Variants in MARCHF1 observed in about 807,000 individuals in gnomAD.
The protein encoded by MARCHF1 is E3 ubiquitin-protein ligase MARCHF1.
A neutral mutation model predicts 54.2 loss-of-function variants in MARCHF1; 40 were observed. The observed-to-expected ratio is 0.74, with a 90% CI of 0.57 to 0.96. The LOEUF (loss-of-function observed/expected upper bound fraction) is 0.96, where lower values mean the gene tolerates loss of function less well. Among genes scored for constraint, MARCHF1 ranks in the 40% least tolerant of loss-of-function variants. The pLI is 0.00. For missense variants in MARCHF1, 586 were observed against 656.5 expected (o/e 0.89, Z 1.17); for synonymous variants, 236 against 236.3 (o/e 1.00, Z 0.01).
chr4:163,597,605 T>C (rs1435420206), intron 7 of MARCHF1, among the ~76,000 whole-genome samples: 2 of 152,218 alleles, frequency 1.3e-5, no homozygotes, highest in Admixed American at 1.3e-4. Context: ...ATTTTATTTC[T>C]AGTAACTACA....
intron 1 of MARCHF1, among the ~76,000 whole-genome samples, chr4:164,356,899 T>C (rs1036635614): frequency 6.6e-6 from 1 of 151,226 alleles, no homozygotes; most frequent in Admixed American, 6.6e-5. Flanking sequence ...GGGAGCTAAA[T>C]GTTGAGAACA....
At chr4:164,084,002 C>T (rs1222452036) in intron 2 of MARCHF1, among the ~76,000 whole-genome samples, 2 of 151,904 alleles carry the variant, frequency 1.3e-5, no homozygotes, top group African/African-American at 4.8e-5. Flanking sequence ...TATAAAAACT[C>T]TCTAACTTAG....
At chr4:163,666,483 A>G (rs1743537298) in intron 5 of MARCHF1, among the ~76,000 whole-genome samples, 1 of 152,132 alleles carries the variant, frequency 6.6e-6, no homozygotes, top group Non-Finnish European at 1.5e-5. Context: ...TCATGCACTT[A>G]TTATCCAGAA....
At chr4:163,620,651 G>GCGCA (rs1560978913) in intron 5 of MARCHF1, among the ~76,000 whole-genome samples, 1 of 88,320 alleles carries the variant, frequency 1.1e-5, no homozygotes, top group African/African-American at 4.0e-5. Flanking sequence ...AGAGAGACAC[G>GCGCA]CACACACACA....
At chr4:163,634,101 A>G (rs1023605645) in intron 5 of MARCHF1, among the ~76,000 whole-genome samples, 1 of 152,232 alleles carries the variant, frequency 6.6e-6, no homozygotes, top group African/African-American at 2.4e-5. Context: ...AGGAAGCACT[A>G]AACATGGAAA....
chr4:164,109,302 T>C (rs1755778602), intron 2 of MARCHF1, among the ~76,000 whole-genome samples: 1 of 152,044 alleles, frequency 6.6e-6, no homozygotes, highest in African/African-American at 2.4e-5. Flanking sequence ...ACTTTCAAGG[T>C]CTCTCAAAAG....
chr4:164,259,544 CA>C (rs141030578), intron 1 of MARCHF1, among the ~76,000 whole-genome samples: 3,269 of 58,882 alleles, frequency 0.056, 29 homozygotes, highest in East Asian at 0.11. Context: ...GACCGTGTCT[CA>C]AAAAAAAAAA....
chr4:164,354,427 G>C (rs1227240728), intron 1 of MARCHF1, among the ~76,000 whole-genome samples: 1 of 134,706 alleles, frequency 7.4e-6, no homozygotes, highest in African/African-American at 2.8e-5. Context: ...GATCAAGTGG[G>C]CTTCATCCCT....
chr4:164,199,677 C>CAGAG (rs752515952), intron 1 of MARCHF1, among the ~76,000 whole-genome samples: 24 of 64,012 alleles, frequency 3.7e-4, no homozygotes, highest in South Asian at 1.1e-3. Flanking sequence ...CACACACACA[C>CAGAG]ACACAGAGAG....
chr4:164,328,519 C>T (rs960099024), intron 1 of MARCHF1, among the ~76,000 whole-genome samples: 1 of 151,768 alleles, frequency 6.6e-6, no homozygotes. Flanking sequence ...ATCAGTGTAT[C>T]GAGTCATATG....
At chr4:163,952,925 A>C (rs1434426181) in intron 3 of MARCHF1, among the ~76,000 whole-genome samples, 1 of 152,208 alleles carries the variant, frequency 6.6e-6, no homozygotes, top group Non-Finnish European at 1.5e-5. Context: ...AAAAAGAAGA[A>C]TGTGAGCCAA....
intron 5 of MARCHF1, among the ~76,000 whole-genome samples, chr4:163,671,031 GC>G (rs1216169739): frequency 6.6e-6 from 1 of 152,176 alleles, no homozygotes; most frequent in Non-Finnish European, 1.5e-5. Flanking sequence ...TTTGCTTGCT[GC>G]TTCAGCCCTT....
At chr4:163,733,199 A>G (rs1400698616) in intron 4 of MARCHF1, among the ~76,000 whole-genome samples, 9 of 39,880 alleles carry the variant, frequency 2.3e-4, no homozygotes, top group East Asian at 1.8e-3. Context: ...ATATATATAT[A>G]TATATATATA....
intron 1 of MARCHF1, among the ~76,000 whole-genome samples, chr4:164,290,273 T>G (rs1734256199): frequency 6.6e-6 from 1 of 151,972 alleles, no homozygotes; most frequent in South Asian, 2.1e-4. Flanking sequence ...ATTAGTGATG[T>G]CTCCATAATT....
Position 164,254,876 on chromosome 4 carries a change from T to C in MARCHF1, c.-323+128994A>G, listed in dbSNP as rs544171762. On this transcript the variant is annotated intron_variant, in intron 1 of 9. Transcript: ENST00000514618. ...CCCACTGACTCAAATGTTAGTCTCTTTTGGCAACGCCCACACAGACACACC... is the reference window on the plus strand; with the variant it reads ...CCCACTGACTCAAATGTTAGTCTCTCTTGGCAACGCCCACACAGACACACC... Among the ~76,000 whole-genome samples, 12 of 152,282 alleles carry C rather than the reference T, an allele frequency of 7.9e-5. No homozygotes were observed. The East Asian group carries it at 2.3e-3, about 29-fold the overall frequency.
At chr4:164,100,866 A>G (rs1755532702) in intron 2 of MARCHF1, among the ~76,000 whole-genome samples, 1 of 152,136 alleles carries the variant, frequency 6.6e-6, no homozygotes, top group South Asian at 2.1e-4. Context: ...TCATCTCACT[A>G]GGGAGTGCCA....
At chr4:163,633,213 C>T (rs1483995427) in intron 5 of MARCHF1, among the ~76,000 whole-genome samples, 1 of 152,220 alleles carries the variant, frequency 6.6e-6, no homozygotes, top group Non-Finnish European at 1.5e-5. Context: ...CGGAACTCAG[C>T]TCCTCACCAG....
chr4:164,307,858 CT>C (rs984702738), intron 1 of MARCHF1, among the ~76,000 whole-genome samples: 1 of 152,160 alleles, frequency 6.6e-6, no homozygotes, highest in Non-Finnish European at 1.5e-5. Flanking sequence ...CTGTAGTCCC[CT>C]ATTTTGCCTC....
At chr4:164,226,742 C>T (rs1368818850) in intron 1 of MARCHF1, among the ~76,000 whole-genome samples, 2 of 151,816 alleles carry the variant, frequency 1.3e-5, no homozygotes, top group East Asian at 3.9e-4. Context: ...CAGCCATGGC[C>T]CATTTCAAAT....
Sources: gnomAD v4.1 joint callset for allele counts (sites outside exome capture counted in the v4.1 genomes callset) on GRCh38, gnomAD v4.1.1 for gene constraint, MANE v1.5 for transcripts, NCBI Gene and HGNC (gene_info 2026-07-23, HGNC 2026-07-21) for gene names.